Variants in EFCAB13 observed in about 807,000 individuals in gnomAD.
The protein encoded by EFCAB13 is EF-hand calcium binding domain 13, also known as EF-hand calcium-binding domain-containing protein 13.
In EFCAB13, 91 loss-of-function variants were observed where a neutral mutation model predicts 110.2. That is an observed-to-expected ratio of 0.83 (90% confidence interval 0.70 to 0.98). The LOEUF (loss-of-function observed/expected upper bound fraction) is 0.98, where lower values mean the gene tolerates loss of function less well. Among genes scored for constraint, EFCAB13 ranks in the 50% least tolerant of loss-of-function variants. The probability of loss-of-function intolerance (pLI) is 0.00; values close to 1 mark genes in which losing one functional copy is unlikely to be tolerated. For missense variants in EFCAB13, 968 were observed against 1,119.4 expected (o/e 0.86, Z 1.93); for synonymous variants, 323 against 369.9 (o/e 0.87, Z 1.45).
intron 3 of EFCAB13, among the ~76,000 whole-genome samples, chr17:47,326,916 C>CT (rs1195795306): frequency 6.6e-6 from 1 of 152,136 alleles, no homozygotes; most frequent in African/African-American, 2.4e-5. Context: ...TTTAAGTACT[C>CT]TGTCTTCATT....
intron 12 of EFCAB13, among the ~76,000 whole-genome samples, chr17:47,376,018 T>G (rs1308628531): frequency 1.3e-5 from 2 of 152,162 alleles, no homozygotes; most frequent in South Asian, 4.1e-4. Flanking sequence ...ATAGAAGCAG[T>G]GTGTGTGGAA....
At chr17:47,363,825 G>A (rs1179715063) in intron 10 of EFCAB13, among the ~76,000 whole-genome samples, 1 of 152,178 alleles carries the variant, frequency 6.6e-6, no homozygotes, top group Non-Finnish European at 1.5e-5. Flanking sequence ...CTGATATGTG[G>A]TCTGGAGATA....
chr17:47,415,156 A>C lies in EFCAB13; in HGVS notation c.2494+237A>C, dbSNP rs1002292635. On this transcript the variant is annotated intron_variant, in intron 23 of 24. Coordinates refer to ENST00000331493, the MANE Select transcript of EFCAB13 (RefSeq NM_152347.5). ...ACAAGAACAAAAAACCAAACACCGC[A>C]TATTCTCACTCATAGGTGGGAATTG... Among the ~76,000 whole-genome samples, 5 of 152,050 alleles carry C rather than the reference A, an allele frequency of 3.3e-5. No individual in the cohort carries two copies. The South Asian group carries it at 1.0e-3, about 32-fold the overall frequency.
Position 47,404,010 on chromosome 17 carries a change from A to G in EFCAB13, c.2150A>G (p.Asp717Gly), listed in dbSNP as rs2065792095. 2.1e-5 allele frequency: 34 copies of G among 1,589,694 alleles called. No homozygotes were observed. The highest frequency in any genetic ancestry group is 2.9e-5 in the Non-Finnish European group (34 of 1,171,468). The change falls in exon 19 of 25, where the codon GAT becomes GGT. Residue 717 changes from aspartate (D) to glycine (G), a missense_variant. Asp to Gly is a moderately conservative substitution (Grantham distance 94). Transcript: ENST00000331493. ...KEEVEKILQS[D>G]FVSEDNMVNI... ...GAGGTAGAGAAAATTCTTCAATCAG[A>G]TTTTGTTTCTGGTAAGCATTTTAAA...
Position 47,420,968 on chromosome 17 carries a change from C to T in EFCAB13, c.2494+6049C>T, listed in dbSNP as rs557670711. Among the ~76,000 whole-genome samples the T allele has an allele frequency of 1.2e-4, 18 of 148,582 alleles. No individual in the cohort carries two copies. The East Asian group carries it at 2.4e-3, about 20-fold the overall frequency. On this transcript the variant is annotated intron_variant, in intron 23 of 24. Coordinates refer to ENST00000331493, the MANE Select transcript of EFCAB13 (RefSeq NM_152347.5). Reference sequence around the variant, plus strand: ...TGAGGAGCCCCTCTGCCCAGCCAGCCGCCCCGTCCGGGAGGGAGGTGAGGG... The same window carrying T: ...TGAGGAGCCCCTCTGCCCAGCCAGCTGCCCCGTCCGGGAGGGAGGTGAGGG...
Position 47,394,007 on chromosome 17 carries a change from T to G in EFCAB13, c.1727-18T>G. On this transcript the variant is annotated intron_variant, in intron 15 of 24. Coordinates refer to ENST00000331493, the MANE Select transcript of EFCAB13 (RefSeq NM_152347.5). ...ATACTTAAAAGATGCCAAAAAAATG[T>G]GTTTCTTTTTCCTGTAGAAACAAAA... 2 of 1,455,800 alleles carry G rather than the reference T, an allele frequency of 1.4e-6. No individual in the cohort carries two copies. The highest frequency in any genetic ancestry group is 1.9e-6 in the Non-Finnish European group (2 of 1,074,574). 90.2% of individuals were successfully genotyped at this position (1,455,800 alleles called of 1,614,324 possible).
intron 9 of EFCAB13, among the ~76,000 whole-genome samples, chr17:47,353,588 A>T (rs1233682679): frequency 6.6e-6 from 1 of 152,108 alleles, no homozygotes; most frequent in Admixed American, 6.6e-5. Context: ...GAGCCACTGC[A>T]CCCAGCCCAG....
At chr17:47,420,164 G>C (rs1270342214) in intron 23 of EFCAB13, among the ~76,000 whole-genome samples, 1 of 152,244 alleles carries the variant, frequency 6.6e-6, no homozygotes, top group African/African-American at 2.4e-5. Context: ...TGGCCGGGCT[G>C]GTCTCCAGCT....
chr17:47,393,966 A>T, intron 15 of EFCAB13, 59 bp from the exon 16 acceptor site: 1 of 919,718 alleles, frequency 1.1e-6, no homozygotes, highest in Non-Finnish European at 1.6e-6. Flanking sequence ...TATATAATTC[A>T]ATATTTTTCA....
intron 19 of EFCAB13, 101 bp from the exon 20 acceptor site, chr17:47,404,461 T>A: frequency 1.2e-6 from 1 of 835,916 alleles, no homozygotes; most frequent in African/African-American, 1.7e-5. Context: ...GTAAATAAAA[T>A]GTTCGAGAAA....
intron 22 of EFCAB13, among the ~76,000 whole-genome samples, chr17:47,413,545 G>A (rs1240500784): frequency 1.3e-5 from 2 of 152,090 alleles, no homozygotes; most frequent in Non-Finnish European, 2.9e-5. Context: ...AATCCTGTGA[G>A]TCCTAGGTTT....
intron 14 of EFCAB13, among the ~76,000 whole-genome samples, chr17:47,379,914 A>G (rs536078993): frequency 6.6e-6 from 1 of 152,304 alleles, no homozygotes; most frequent in South Asian, 2.1e-4. Flanking sequence ...GATTAGTCCA[A>G]AGCAAGATTG....
chr17:47,410,681 C>T (rs1168604505), intron 21 of EFCAB13, among the ~76,000 whole-genome samples: 1 of 152,190 alleles, frequency 6.6e-6, no homozygotes, highest in Non-Finnish European at 1.5e-5. Context: ...TTCCAAAACA[C>T]ACAGGCATAG....
chr17:47,436,242 G>A (rs1048609184), intron 24 of EFCAB13, among the ~76,000 whole-genome samples: 1 of 151,924 alleles, frequency 6.6e-6, no homozygotes, highest in Non-Finnish European at 1.5e-5. Flanking sequence ...TTCTTTTTTG[G>A]TTATGTCCTT....
At chr17:47,436,228 A>G (rs953377964) in intron 24 of EFCAB13, among the ~76,000 whole-genome samples, 2 of 152,006 alleles carry the variant, frequency 1.3e-5, no homozygotes, top group African/African-American at 2.4e-5. Context: ...ATCAGTCCGT[A>G]GTTTTCTTTT....
chr17:47,372,303 C>A (rs780165463), intron 11 of EFCAB13, among the ~76,000 whole-genome samples: 1 of 152,098 alleles, frequency 6.6e-6, no homozygotes, highest in Non-Finnish European at 1.5e-5. Context: ...TTATGACAGG[C>A]AATTTTAAGC....
chr17:47,345,061 A>G lies in EFCAB13; in HGVS notation c.480A>G (p.Glu160=). 6.2e-7 allele frequency: 1 copy of G among 1,607,200 alleles called. No individual in the cohort carries two copies. The highest frequency in any genetic ancestry group is 8.5e-7 in the Non-Finnish European group (1 of 1,176,806). The change falls in exon 8 of 25, where the codon GAA becomes GAG. Residue 160 remains glutamate (E), a synonymous_variant. Transcript: ENST00000331493. ...LSNLYMTLYD[E]VTHGYLHSKE... ...ACCTCTACATGACATTATATGATGA[A>G]GTAACCCATGGATATTTACACTCAA... is the stretch of plus-strand genomic sequence containing the variant.
rs747166897 is a variant in EFCAB13, at chr17:47,377,864, G to T, written c.1471G>T (p.Glu491Ter). The T allele has an allele frequency of 6.3e-7, 1 of 1,596,102 alleles. No homozygotes were observed. The highest frequency in any genetic ancestry group is 1.2e-5 in the South Asian group (1 of 86,462). Residue 491 changes from glutamate to a stop codon, truncating the protein, a stop_gained, in exon 13 of 25, where the codon GAA (glutamate) becomes TAA (stop). Coordinates refer to ENST00000331493, the MANE Select transcript of EFCAB13 (RefSeq NM_152347.5). LOFTEE classifies it high-confidence loss of function. ...TTCAACAGGAATTAATTTATTAGAT[G>T]AAGAATTCCAGAAGATTGTGACAGA... The part of the protein sequence containing the change: ...LPSTGINLLD[E>*]EFQKIVTDTS...
At chr17:47,397,281 C>T (rs911338534) in intron 17 of EFCAB13, among the ~76,000 whole-genome samples, 11 of 152,186 alleles carry the variant, frequency 7.2e-5, no homozygotes, top group African/African-American at 2.4e-4. Flanking sequence ...CCCGGGGTGC[C>T]GGGATTGCAG....
Sources: gnomAD v4.1 joint callset for allele counts (sites outside exome capture counted in the v4.1 genomes callset) on GRCh38, gnomAD v4.1.1 for gene constraint, MANE v1.5 for transcripts, NCBI Gene and HGNC (gene_info 2026-07-23, HGNC 2026-07-21) for gene names.